PCDH15: variants seen among roughly 807,000 people sequenced by gnomAD.
The protein encoded by PCDH15 is protocadherin related 15.
PCDH15 carries 129 observed loss-of-function variants against 178.5 expected under a neutral mutation model. The observed-to-expected ratio is 0.72, with a 90% CI of 0.63 to 0.84. The LOEUF (loss-of-function observed/expected upper bound fraction) is 0.84. PCDH15 is among the 40% of genes least tolerant of loss of function. PCDH15 has a pLI of 0.00. For synonymous variants in PCDH15, 800 were observed against 732.0 expected (o/e 1.09, Z -1.50); for missense variants, 2,230 against 2,099.9 (o/e 1.06, Z -1.21).
At chr10:54,917,461 G>A (rs1204194476) in intron 2 of PCDH15, among the ~76,000 whole-genome samples, 1 of 152,160 alleles carries the variant, frequency 6.6e-6, no homozygotes, top group Non-Finnish European at 1.5e-5. Flanking sequence ...TTGTGAAGAT[G>A]ACAATAAACC....
At chr10:55,533,977 G>A (rs999307223) in intron 2 of PCDH15, among the ~76,000 whole-genome samples, 2 of 152,052 alleles carry the variant, frequency 1.3e-5, no homozygotes, top group Non-Finnish European at 2.9e-5. Flanking sequence ...AGCAAGCAAT[G>A]GGGAATGGAC....
At chr10:54,515,732 G>A (rs1401309399) in intron 3 of PCDH15, among the ~76,000 whole-genome samples, 1 of 152,246 alleles carries the variant, frequency 6.6e-6, no homozygotes, top group Non-Finnish European at 1.5e-5. Context: ...GCATCCCCCA[G>A]TAGGGGCAGA....
At chr10:54,527,259 G>C (rs1030261790) in intron 3 of PCDH15, among the ~76,000 whole-genome samples, 3 of 152,152 alleles carry the variant, frequency 2.0e-5, no homozygotes, top group Non-Finnish European at 4.4e-5. Flanking sequence ...GTATGAATTA[G>C]ATATTAATTG....
At chr10:55,245,752 T>A (rs779666931) in intron 1 of PCDH15, among the ~76,000 whole-genome samples, 14 of 152,138 alleles carry the variant, frequency 9.2e-5, no homozygotes, top group Non-Finnish European at 1.9e-4. Flanking sequence ...CCCTATTAGA[T>A]CTAATGCCTG....
intron 6 of PCDH15, among the ~76,000 whole-genome samples, chr10:54,342,053 T>C (rs1942332182): frequency 6.6e-6 from 1 of 152,166 alleles, no homozygotes. Flanking sequence ...CTTTAAAGAA[T>C]CTGCAGCCTG....
In PCDH15 at chr10:54,342,319, C is replaced by T. The variant is rs540288328; in HGVS notation, c.594+4046G>A. The stretch of plus-strand genomic sequence containing the variant: ...TAGGACATGGCATCCTATGTCCCTG[C>T]CACTCTAGCTCCAGCCATGGCTAAA... On this transcript the variant is annotated intron_variant, in intron 6 of 37. Transcript: ENST00000644397. Among the ~76,000 whole-genome samples the T allele has an allele frequency of 4.6e-5, 7 of 152,308 alleles. No homozygotes were observed. The South Asian group carries it at 1.2e-3, about 27-fold the overall frequency.
intron 32 of PCDH15, chr10:53,822,496 C>T (rs2076356418): frequency 6.2e-7 from 1 of 1,611,406 alleles, no homozygotes. Context: ...AGGGGACAGG[C>T]AGAAGGAGAG....
intron 8 of PCDH15, among the ~76,000 whole-genome samples, chr10:54,307,693 T>C (rs1349257414): frequency 6.6e-6 from 1 of 152,022 alleles, no homozygotes; most frequent in African/African-American, 2.4e-5. Flanking sequence ...TTTAAAAAGA[T>C]ACCTCGACTG....
rs147744970 is a variant in PCDH15, at chr10:54,953,735, G to A, written c.-79-56235C>T. Among the ~76,000 whole-genome samples the A allele has an allele frequency of 7.9e-3, 1,199 of 150,868 alleles. 14 individuals carry two copies. The highest frequency in any genetic ancestry group is 0.027 in the African/African-American group (1,107 of 41,288). On this transcript the variant is annotated intron_variant, in intron 2 of 5. Transcript: ENST00000458638. ...TGAAAATTCCACTTAAATATTCATC[G>A]GTATGTCCTAGAATTTAGAGATTAA...
intron 2 of PCDH15, among the ~76,000 whole-genome samples, chr10:55,569,791 C>G (rs1842371857): frequency 6.6e-6 from 1 of 151,934 alleles, no homozygotes; most frequent in South Asian, 2.1e-4. Context: ...TAAACTCATT[C>G]AGAGTAATCG....
At chr10:54,692,239 A>C (rs1211060839) in intron 1 of PCDH15, among the ~76,000 whole-genome samples, 2 of 152,128 alleles carry the variant, frequency 1.3e-5, no homozygotes, top group Non-Finnish European at 2.9e-5. Context: ...TCCAATTCTT[A>C]CCTGTCCATC....
At chr10:55,012,825 A>T (rs534219612) in intron 2 of PCDH15, among the ~76,000 whole-genome samples, 1 of 152,250 alleles carries the variant, frequency 6.6e-6, no homozygotes, top group African/African-American at 2.4e-5. Context: ...CTCCTTAAAA[A>T]AAGGTACCAT....
intron 15 of PCDH15, among the ~76,000 whole-genome samples, chr10:54,127,786 C>T (rs924839749): frequency 6.6e-6 from 1 of 152,154 alleles, no homozygotes; most frequent in African/African-American, 2.4e-5. Context: ...TTCCCAAGAT[C>T]TTTTCAGGCT....
intron 2 of PCDH15, among the ~76,000 whole-genome samples, chr10:55,041,276 G>C (rs1840857511): frequency 6.6e-6 from 1 of 151,970 alleles, no homozygotes; most frequent in African/African-American, 2.4e-5. Context: ...TGAAAATCTA[G>C]CTAAATTACT....
intron 15 of PCDH15, among the ~76,000 whole-genome samples, chr10:54,130,413 T>G (rs961581246): frequency 7.2e-5 from 11 of 152,152 alleles, no homozygotes; most frequent in African/African-American, 2.7e-4. Context: ...TGTGACAAGT[T>G]TCACTGGCCG....
chr10:53,991,976 G>A (rs1293264425), intron 21 of PCDH15, among the ~76,000 whole-genome samples: 1 of 152,082 alleles, frequency 6.6e-6, no homozygotes, highest in African/African-American at 2.4e-5. Flanking sequence ...CTTCCACCCT[G>A]TGGAAGCGTT....
chr10:54,877,799 G>A (rs370189853), intron 3 of PCDH15, among the ~76,000 whole-genome samples: 73 of 152,098 alleles, frequency 4.8e-4, no homozygotes, highest in African/African-American at 1.7e-3. Flanking sequence ...AATATTAATA[G>A]TTTCCTGTGA....
chr10:55,069,963 T>G (rs974690757), intron 2 of PCDH15, among the ~76,000 whole-genome samples: 3 of 152,076 alleles, frequency 2.0e-5, no homozygotes, highest in African/African-American at 7.2e-5. Flanking sequence ...TTTTAATGAT[T>G]GCCATTCTAA....
intron 3 of PCDH15, among the ~76,000 whole-genome samples, chr10:54,517,742 A>G (rs1380490610): frequency 6.6e-6 from 1 of 152,140 alleles, no homozygotes; most frequent in Admixed American, 6.6e-5. Context: ...CTTCACCCCA[A>G]ATCAACAGAA....
Sources: gnomAD v4.1 joint callset for allele counts (sites outside exome capture counted in the v4.1 genomes callset) on GRCh38, gnomAD v4.1.1 for gene constraint, MANE v1.5 for transcripts, NCBI Gene and HGNC (gene_info 2026-07-23, HGNC 2026-07-21) for gene names.